Variants in LIMA1 observed in about 807,000 individuals in gnomAD.
LIMA1 encodes LIM domain and actin-binding protein 1.
Under a neutral mutation model 62.6 loss-of-function variants are expected in LIMA1, and 52 were observed. That is an observed-to-expected ratio of 0.83 (90% confidence interval 0.67 to 1.05). The LOEUF is 1.05. Ranked by LOEUF, LIMA1 falls within the 50% of genes least tolerant of loss-of-function variation. The probability of loss-of-function intolerance (pLI) is 0.00; values close to 1 mark genes in which losing one functional copy is unlikely to be tolerated. For missense variants in LIMA1, 780 were observed against 902.2 expected (o/e 0.86, Z 1.74); for synonymous variants, 302 against 317.8 (o/e 0.95, Z 0.53).
At chr12:50,238,506 CA>C (rs1177321264) in intron 2 of LIMA1, among the ~76,000 whole-genome samples, 1 of 149,024 alleles carries the variant, frequency 6.7e-6, no homozygotes, top group Non-Finnish European at 1.5e-5. Context: ...GACTCTGTCT[CA>C]AAAAAAACAA....
chr12:50,209,112 T>C (rs1941206883), intron 4 of LIMA1, among the ~76,000 whole-genome samples: 1 of 150,790 alleles, frequency 6.6e-6, no homozygotes, highest in Non-Finnish European at 1.5e-5. Flanking sequence ...TGTGGGCCAC[T>C]GCATCCGGCC....
chr12:50,266,898 C>T (rs78289454), intron 1 of LIMA1, among the ~76,000 whole-genome samples: 3,481 of 151,090 alleles, frequency 0.023, 124 homozygotes, highest in African/African-American at 0.08. Flanking sequence ...AATACATTTA[C>T]TTTTTTTTTA....
intron 1 of LIMA1, among the ~76,000 whole-genome samples, chr12:50,269,924 A>T (rs1295774938): frequency 1.4e-4 from 17 of 125,488 alleles, no homozygotes; most frequent in African/African-American, 4.6e-4. Flanking sequence ...CCGTCAAATA[A>T]AAAAAAAAAA....
At chr12:50,275,183 C>G (rs1942261377) in intron 1 of LIMA1, among the ~76,000 whole-genome samples, 1 of 151,814 alleles carries the variant, frequency 6.6e-6, no homozygotes, top group Non-Finnish European at 1.5e-5. Context: ...ATGGTGAAAC[C>G]CTGTCTCTAC....
intron 2 of LIMA1, among the ~76,000 whole-genome samples, chr12:50,245,064 G>A (rs529193479): frequency 2.6e-5 from 4 of 152,242 alleles, no homozygotes; most frequent in South Asian, 2.1e-4. Context: ...AGGTTGAGAC[G>A]GGAGGCAGAG....
At chr12:50,259,044 A>G (rs1323219686) in intron 1 of LIMA1, among the ~76,000 whole-genome samples, 1 of 152,104 alleles carries the variant, frequency 6.6e-6, no homozygotes, top group Non-Finnish European at 1.5e-5. Context: ...CTTATTTATA[A>G]CTTCTTTCTC....
intron 1 of LIMA1, among the ~76,000 whole-genome samples, chr12:50,255,230 A>G (rs111488922): frequency 6.6e-6 from 1 of 152,108 alleles, no homozygotes; most frequent in Non-Finnish European, 1.5e-5. Flanking sequence ...TCAAAAAATT[A>G]GAACAAAGTA....
chr12:50,213,232 T>C (rs534906874), intron 4 of LIMA1, among the ~76,000 whole-genome samples: 3 of 152,396 alleles, frequency 2.0e-5, no homozygotes, highest in Non-Finnish European at 4.4e-5. Context: ...TAGTTAAGCA[T>C]AAACTGTGGG....
At chr12:50,231,314 C>T (rs1024785266) in intron 3 of LIMA1, among the ~76,000 whole-genome samples, 2 of 152,166 alleles carry the variant, frequency 1.3e-5, no homozygotes, top group African/African-American at 4.8e-5. Context: ...TTTAAATGCA[C>T]AGATGTAGAA....
At chr12:50,190,963 A>G (rs1424691159) in intron 9 of LIMA1, among the ~76,000 whole-genome samples, 1 of 151,602 alleles carries the variant, frequency 6.6e-6, no homozygotes, top group Non-Finnish European at 1.5e-5. Context: ...ATAAAAATGT[A>G]AAAAATATAT....
chr12:50,270,717 T>C (rs187220053), intron 1 of LIMA1, among the ~76,000 whole-genome samples: 9 of 152,250 alleles, frequency 5.9e-5, no homozygotes, highest in Admixed American at 1.3e-4. Context: ...TATCTTCTTG[T>C]GCTTATGAAC....
intron 2 of LIMA1, among the ~76,000 whole-genome samples, chr12:50,235,102 T>A (rs1020966120): frequency 1.1e-4 from 17 of 151,948 alleles, no homozygotes; most frequent in African/African-American, 2.7e-4. Flanking sequence ...CCGACTAATT[T>A]AAAAAAATTT....
At chr12:50,242,842 G>C (rs1941797252) in intron 2 of LIMA1, among the ~76,000 whole-genome samples, 1 of 152,168 alleles carries the variant, frequency 6.6e-6, no homozygotes, top group Non-Finnish European at 1.5e-5. Context: ...CCTGGGATCT[G>C]GGCTTGGGTT....
At chr12:50,240,411 A>G (rs1941760549) in intron 2 of LIMA1, among the ~76,000 whole-genome samples, 1 of 152,080 alleles carries the variant, frequency 6.6e-6, no homozygotes, top group Non-Finnish European at 1.5e-5. Flanking sequence ...AATGGACTGG[A>G]GGGGCTGAGA....
rs1941039141 is a variant in LIMA1, at chr12:50,201,062, C to G, written c.865-178G>C. On this transcript the variant is annotated intron_variant, in intron 6 of 10. Transcript: ENST00000341247. ...CTGACTAGTGAAATGACAAAAGCAG[C>G]TTTGTGGACACATACCTCAGAGTTA... 2.9e-6 allele frequency: 4 copies of G among 1,402,840 alleles called. No individual in the cohort carries two copies. In the South Asian group the frequency reaches 6.2e-5, roughly 22 times the overall value. 86.9% of individuals were successfully genotyped at this position (1,402,840 alleles called of 1,614,324 possible).
At chr12:50,192,978 C>CTGTGTG (rs558118348) in intron 8 of LIMA1, among the ~76,000 whole-genome samples, 2,584 of 145,196 alleles carry the variant, frequency 0.018, 59 homozygotes, top group African/African-American at 0.062. Flanking sequence ...ATTTTGTACT[C>CTGTGTG]TGTGTGTGTG....
chr12:50,191,898 C>T (rs924127493), intron 9 of LIMA1, among the ~76,000 whole-genome samples: 5 of 151,636 alleles, frequency 3.3e-5, no homozygotes, highest in African/African-American at 1.2e-4. Flanking sequence ...CTTTGGGAGG[C>T]CAAGGCAGGC....
At chr12:50,268,108 C>T (rs985112041) in intron 1 of LIMA1, among the ~76,000 whole-genome samples, 1 of 152,080 alleles carries the variant, frequency 6.6e-6, no homozygotes, top group African/African-American at 2.4e-5. Flanking sequence ...GTGTCTGATT[C>T]TTATCCAGAT....
intron 7 of LIMA1, among the ~76,000 whole-genome samples, chr12:50,197,140 A>G (rs993988760): frequency 1.4e-5 from 2 of 146,580 alleles, no homozygotes; most frequent in Non-Finnish European, 3.0e-5. Context: ...GTGCGATCTC[A>G]GCTCACTGCA....
Sources: allele counts gnomAD v4.1 joint callset (sites outside exome capture counted in the v4.1 genomes callset), GRCh38; gene constraint gnomAD v4.1.1; transcripts MANE v1.5; gene names NCBI Gene and HGNC (gene_info 2026-07-23, HGNC 2026-07-21).